Variants in CA12 observed in about 807,000 individuals in gnomAD.
CA12 encodes carbonic anhydrase 12.
In CA12, 36 loss-of-function variants were observed where a neutral mutation model predicts 46.8. That is an observed-to-expected ratio of 0.77 (90% confidence interval 0.59 to 1.02). CA12 has a LOEUF of 1.02. Among genes scored for constraint, CA12 ranks in the 50% least tolerant of loss-of-function variants. The probability of loss-of-function intolerance (pLI) is 0.00; values close to 1 mark genes in which losing one functional copy is unlikely to be tolerated. For synonymous variants in CA12, 202 were observed against 187.0 expected (o/e 1.08, Z -0.65); for missense variants, 436 against 451.4 (o/e 0.97, Z 0.31).
chr15:63,358,287 C>T (rs2039317515), intron 2 of CA12, among the ~76,000 whole-genome samples: 1 of 152,128 alleles, frequency 6.6e-6, no homozygotes, highest in African/African-American at 2.4e-5. Flanking sequence ...AAAATGAGGG[C>T]CTGGGGTCAA....
rs541776040 is a variant in CA12, at chr15:63,345,580, A to G, written c.326T>C (p.Leu109Pro). ...CTGCGTGGCACTGTAGCGAGACTGG[A>G]GGCCCTGGATGTGCATGTCCGAGGG... ...NLPSDMHIQG[L>P]QSRYSATQLH... is the part of the protein sequence containing the mutation. Residue 109 changes from leucine (L) to proline (P), a missense_variant, in exon 4 of 11, where the codon CTC becomes CCC. Coordinates refer to ENST00000178638, the MANE Select transcript of CA12 (RefSeq NM_001218.5). The surrounding 1 kb of genome is among the most constrained non-coding windows in gnomAD (Gnocchi z 4.3). The G allele has an allele frequency of 1.2e-6, 2 of 1,613,478 alleles. No individual in the cohort carries two copies. Among genetic ancestry groups the G allele is most frequent in the South Asian group, 1.1e-5 (1 of 91,072 alleles).
chr15:63,345,161 G>A lies in CA12; in HGVS notation c.429+316C>T, dbSNP rs1445657111. Reference sequence around the variant, plus strand: ...CAGGAGATTTTTATCTGCACAGATAGGAAGGCAATGTCTAAAAGAAGGGCA... The same window carrying A: ...CAGGAGATTTTTATCTGCACAGATAAGAAGGCAATGTCTAAAAGAAGGGCA... On this transcript the variant is annotated intron_variant, in intron 4 of 10. Coordinates refer to ENST00000178638, the MANE Select transcript of CA12 (RefSeq NM_001218.5). The surrounding 1 kb of genome is among the most constrained non-coding windows in gnomAD (Gnocchi z 4.3). Among the ~76,000 whole-genome samples, 1 of 152,224 alleles carries A rather than the reference G, an allele frequency of 6.6e-6. No individual in the cohort carries two copies. Among genetic ancestry groups the A allele is most frequent in the Admixed American group, 6.5e-5 (1 of 15,282 alleles).
chr15:63,343,747 A>G (rs2039111422), intron 4 of CA12, among the ~76,000 whole-genome samples: 1 of 152,210 alleles, frequency 6.6e-6, no homozygotes, highest in Non-Finnish European at 1.5e-5. Context: ...AGCAGAAAAT[A>G]CAAGAAGTAG....
Position 63,345,406 on chromosome 15 carries a change from G to A in CA12, c.429+71C>T. 1.3e-6 allele frequency: 2 copies of A among 1,580,956 alleles called. No individual in the cohort carries two copies. The highest frequency in any genetic ancestry group is 1.7e-6 in the Non-Finnish European group (2 of 1,165,422). On this transcript the variant is annotated intron_variant, in intron 4 of 10. Coordinates refer to ENST00000178638, the MANE Select transcript of CA12 (RefSeq NM_001218.5). The surrounding 1 kb of genome is among the most constrained non-coding windows in gnomAD (Gnocchi z 4.3). ...CCCATGCTCTGGTGTTATCTGCACA[G>A]CAGCCAGGTCGAGAAGGTGCCACAC...
rs566920737 is a variant in CA12 at position 63,345,294 on chromosome 15, C to G, written c.429+183G>C. ...GTTCAGGAGAAGAAAGGGACCAGGA[C>G]AGTGCAGATGAGCTACAGGCTAGTG... is the stretch of plus-strand genomic sequence containing the variant. On this transcript the variant is annotated intron_variant, in intron 4 of 10. Coordinates refer to ENST00000178638, the MANE Select transcript of CA12 (RefSeq NM_001218.5). This position sits in a 1 kb window ranked among gnomAD's most constrained non-coding sequence, Gnocchi z 4.3. 6.6e-6 allele frequency among the ~76,000 whole-genome samples: 1 copy of G among 152,254 alleles called. No individual in the cohort carries two copies. Among genetic ancestry groups the G allele is most frequent in the Non-Finnish European group, 1.5e-5 (1 of 68,046 alleles).
intron 1 of CA12, among the ~76,000 whole-genome samples, chr15:63,376,790 G>A (rs948415879): frequency 2.0e-5 from 3 of 151,558 alleles, no homozygotes; most frequent in East Asian, 1.9e-4. Flanking sequence ...TTACAGGCGC[G>A]CACCACCACA....
rs74421467 is a variant in CA12, at chr15:63,379,989, C to T, written c.85+1647G>A. On this transcript the variant is annotated intron_variant, in intron 1 of 10. Transcript: ENST00000178638. ...AAGTTTAAATGCACCAGGCAGAGAG[C>T]AGATCACACTTTGACCCCATTACTC... 5.9e-5 allele frequency among the ~76,000 whole-genome samples: 9 copies of T among 152,366 alleles called. No homozygotes were observed. In the East Asian group the frequency reaches 1.7e-3, roughly 29 times the overall value.
intron 2 of CA12, among the ~76,000 whole-genome samples, chr15:63,353,213 A>G (rs564389109): frequency 6.6e-6 from 1 of 152,228 alleles, no homozygotes; most frequent in South Asian, 2.1e-4. Flanking sequence ...CTGCAACAGA[A>G]AAATGGAGGG....
intron 8 of CA12, among the ~76,000 whole-genome samples, chr15:63,334,532 C>T (rs62012921): frequency 0.015 from 2,275 of 151,878 alleles, 26 homozygotes; most frequent in Non-Finnish European, 0.022. Flanking sequence ...GCTGGGATTA[C>T]AGGCATGAGC....
At chr15:63,353,408 C>T (rs1332801686) in intron 2 of CA12, among the ~76,000 whole-genome samples, 2 of 152,198 alleles carry the variant, frequency 1.3e-5, no homozygotes, top group Non-Finnish European at 2.9e-5. Context: ...ATGTGTGATG[C>T]ATTGACTCAG....
rs1022664140 is a variant in CA12, at chr15:63,331,446, C to T, written c.875-3316G>A. ...TAGGAAAGAAGGGAGGCGATTCCCA[C>T]GGAAGAACAATGGGACAGACAGTAG... On this transcript the variant is annotated intron_variant, in intron 8 of 10. Coordinates refer to ENST00000178638, the MANE Select transcript of CA12 (RefSeq NM_001218.5). The surrounding 1 kb of genome is among the most constrained non-coding windows in gnomAD (Gnocchi z 5.3). 2.0e-5 allele frequency among the ~76,000 whole-genome samples: 3 copies of T among 152,232 alleles called. No homozygotes were observed. The highest frequency in any genetic ancestry group is 2.9e-5 in the Non-Finnish European group (2 of 68,022).
At position 63,381,566 on chromosome 15, in the gene CA12, TGAAGA is replaced by T. The variant is rs1315966533; in HGVS notation, c.85+65_85+69del. 4 of 1,256,968 alleles carry T rather than the reference TGAAGA, an allele frequency of 3.2e-6. No homozygotes were observed. In the East Asian group the frequency reaches 7.4e-5, roughly 23 times the overall value. 77.9% of individuals were successfully genotyped at this position (1,256,968 alleles called of 1,614,324 possible). The stretch of plus-strand genomic sequence containing the variant: ...CGCAGCAATGATTTTACTTTATCAT[TGAAGA>T]GCCTTCAGCCCAGGGGCGGCTGAGC... On this transcript the variant is annotated intron_variant, in intron 1 of 10. Transcript: ENST00000178638.
At chr15:63,342,147 C>G in intron 4 of CA12, 50 bp from the exon 5 acceptor site, 1 of 1,210,042 alleles carries the variant, frequency 8.3e-7, no homozygotes, top group Non-Finnish European at 1.2e-6. Flanking sequence ...CTCATGGGAG[C>G]CTGTCGCTTC....
intron 1 of CA12, 102 bp downstream of exon 1, chr15:63,381,534 T>TG (rs1441871738): frequency 1.0e-6 from 1 of 975,852 alleles, no homozygotes. Context: ...ACACCTTCCC[T>TG]GCTCCCCGCA....
chr15:63,344,564 A>G (rs1243546272), intron 4 of CA12, among the ~76,000 whole-genome samples: 2 of 152,210 alleles, frequency 1.3e-5, no homozygotes, highest in Non-Finnish European at 2.9e-5. Context: ...GTACCATCCT[A>G]TTGAACCAGA....
At chr15:63,376,574 C>CTTTCTTTA (rs1555432655) in intron 1 of CA12, among the ~76,000 whole-genome samples, 3 of 114,220 alleles carry the variant, frequency 2.6e-5, no homozygotes, top group African/African-American at 9.0e-5. Flanking sequence ...TTCTTTCTTT[C>CTTTCTTTA]TTTCTTTCTT....
chr15:63,348,200 C>T lies in CA12; in HGVS notation c.107-1491G>A, dbSNP rs982359850. 2.6e-5 allele frequency among the ~76,000 whole-genome samples: 4 copies of T among 152,158 alleles called. No homozygotes were observed. Among genetic ancestry groups the T allele is most frequent in the Admixed American group, 1.3e-4 (2 of 15,280 alleles). ...CATTTTCAGAAATGTTACAGCATGA[C>T]GGAATTGCAGAATCTCCAGTCCAAC... On this transcript the variant is annotated intron_variant, in intron 2 of 10. Transcript: ENST00000178638. The surrounding 1 kb of genome is among the most constrained non-coding windows in gnomAD (Gnocchi z 4.6).
rs1555431586 is a variant in CA12, at chr15:63,364,345, A to AAAAAC, written c.106+11312_106+11313insGTTTT. Among the ~76,000 whole-genome samples, 17 of 149,182 alleles carry AAAAAC rather than the reference A, an allele frequency of 1.1e-4. 1 individual carries two copies. The highest frequency in any genetic ancestry group is 4.0e-4 in the Admixed American group (6 of 14,874). Reference sequence around the variant, plus strand: ...ACCCCGTCACTAGAAAAAAAAAAAAAAAAAAAAAAACAGTGGGACTCTTAG... The same window carrying AAAAAC: ...ACCCCGTCACTAGAAAAAAAAAAAAAAAAACAAAAAAAAAACAGTGGGACTCTTAG... On this transcript the variant is annotated intron_variant, in intron 2 of 10. Coordinates refer to ENST00000178638, the MANE Select transcript of CA12 (RefSeq NM_001218.5).
chr15:63,347,839 G>T (rs1356143257), intron 2 of CA12, among the ~76,000 whole-genome samples: 1 of 152,162 alleles, frequency 6.6e-6, no homozygotes, highest in Non-Finnish European at 1.5e-5. Context: ...CCATCTGGGG[G>T]TCCGTTCATC....
Sources: gnomAD v4.1 joint callset for allele counts (sites outside exome capture counted in the v4.1 genomes callset) on GRCh38, gnomAD v4.1.1 for gene constraint, Gnocchi (gnomAD v3.1) non-coding constraint, MANE v1.5 for transcripts, NCBI Gene and HGNC (gene_info 2026-07-23, HGNC 2026-07-21) for gene names.